The following ADARB2 variants were observed in gnomAD, a reference collection of about 807,000 sequenced individuals.
The protein encoded by ADARB2 is inactive double-stranded RNA-specific editase B2.
ADARB2 carries 25 observed loss-of-function variants against 62.2 expected under a neutral mutation model. The observed-to-expected ratio is 0.40, with a 90% CI of 0.29 to 0.56. The LOEUF is 0.56. ADARB2 is among the 20% of genes least tolerant of loss of function. The pLI is 0.43. For synonymous variants in ADARB2, 572 were observed against 500.8 expected, an observed-to-expected ratio of 1.14 and a Z score of -1.90; for missense variants, 1,071 against 1,077.4, an observed-to-expected ratio of 0.99 and a Z score of 0.08.
At chr10:1,204,754 G>T (rs184996023) in intron 7 of ADARB2, among the ~76,000 whole-genome samples, 2 of 152,360 alleles carry the variant, frequency 1.3e-5, no homozygotes, top group African/African-American at 2.4e-5. Context: ...CCCCTGCCTG[G>T]CCCTCAGGTG....
In ADARB2 at chr10:1,327,661, G is replaced by GCACTGCACAGCGCCTCCT. The variant is rs1436362539; in HGVS notation, c.1077+35349_1077+35366dup. ...CGCCTCCTCACTGCCCAGCGCCTCCGCACTGCACAGCGCCTCCTCACTGCA... is the reference window on the plus strand; with the variant it reads ...CGCCTCCTCACTGCCCAGCGCCTCCGCACTGCACAGCGCCTCCTCACTGCACAGCGCCTCCTCACTGCA... On this transcript the variant is annotated intron_variant, in intron 3 of 9. Transcript: ENST00000381312. Among the ~76,000 whole-genome samples the GCACTGCACAGCGCCTCCT allele has an allele frequency of 3.8e-4, 10 of 26,590 alleles. 2 individuals are homozygous for GCACTGCACAGCGCCTCCT. Among genetic ancestry groups the GCACTGCACAGCGCCTCCT allele is most frequent in the Non-Finnish European group, 2.2e-4 (3 of 13,938 alleles). The allele number at this position is 26,590 out of a possible 152,430, so 17.4% of individuals were successfully genotyped here. A position where few individuals can be genotyped will look rare whatever the true frequency, so the allele number is the denominator to read the frequency against.
chr10:1,731,525 C>A (rs943548892), intron 1 of ADARB2, among the ~76,000 whole-genome samples: 4 of 152,164 alleles, frequency 2.6e-5, no homozygotes, highest in Non-Finnish European at 5.9e-5. Context: ...TGTTTCTTCT[C>A]TTTTTGAATG....
At chr10:1,645,410 C>T (rs575747898) in intron 1 of ADARB2, among the ~76,000 whole-genome samples, 1 of 152,198 alleles carries the variant, frequency 6.6e-6, no homozygotes, top group Non-Finnish European at 1.5e-5. Flanking sequence ...ATGGAACTCC[C>T]ACTGCCCCTG....
At chr10:1,499,415 A>T (rs1831735605) in intron 1 of ADARB2, among the ~76,000 whole-genome samples, 1 of 151,292 alleles carries the variant, frequency 6.6e-6, no homozygotes, top group Admixed American at 6.6e-5. Flanking sequence ...TTCATCACTC[A>T]CTCAACACTC....
chr10:1,207,416 C>T (rs1405752994), intron 7 of ADARB2, among the ~76,000 whole-genome samples: 10 of 152,060 alleles, frequency 6.6e-5, no homozygotes, highest in Admixed American at 2.0e-4. Flanking sequence ...ACTTGGGGTT[C>T]GGTGTTTAAA....
intron 3 of ADARB2, among the ~76,000 whole-genome samples, chr10:1,282,059 C>T (rs1401424557): frequency 1.3e-5 from 2 of 152,220 alleles, no homozygotes; most frequent in African/African-American, 2.4e-5. Context: ...CACCTCCTGG[C>T]TGGGGTCCCC....
intron 1 of ADARB2, among the ~76,000 whole-genome samples, chr10:1,521,117 C>T (rs935472927): frequency 9.2e-5 from 14 of 152,138 alleles, no homozygotes; most frequent in African/African-American, 2.2e-4. Flanking sequence ...CAAGTACAGG[C>T]GGCCCGGAGT....
chr10:1,644,014 G>A (rs1588336036), intron 1 of ADARB2, among the ~76,000 whole-genome samples: 1 of 152,084 alleles, frequency 6.6e-6, no homozygotes, highest in East Asian at 1.9e-4. Context: ...GCTGTCTCCC[G>A]GCCCCACTCG....
intron 2 of ADARB2, among the ~76,000 whole-genome samples, chr10:1,369,408 C>T (rs765708040): frequency 1.3e-5 from 2 of 152,068 alleles, no homozygotes; most frequent in East Asian, 1.9e-4. Context: ...GGGGGACTAT[C>T]GGCCTCCCCT....
chr10:1,258,411 C>A (rs1420350364), intron 4 of ADARB2, among the ~76,000 whole-genome samples: 2 of 152,070 alleles, frequency 1.3e-5, no homozygotes, highest in Non-Finnish European at 2.9e-5. Flanking sequence ...ATTCAGGAAA[C>A]CCATCTCAGC....
chr10:1,339,580 A>G (rs531592236), intron 3 of ADARB2, among the ~76,000 whole-genome samples: 9 of 152,308 alleles, frequency 5.9e-5, no homozygotes, highest in South Asian at 2.1e-4. Context: ...ATAAATATCA[A>G]CCCATCCAGG....
chr10:1,551,554 A>G (rs1215393132), intron 1 of ADARB2, among the ~76,000 whole-genome samples: 3 of 152,144 alleles, frequency 2.0e-5, no homozygotes, highest in African/African-American at 7.2e-5. Context: ...CCTTCCTGCC[A>G]TCCCTCTATT....
intron 2 of ADARB2, among the ~76,000 whole-genome samples, chr10:1,365,971 C>T (rs1832310192): frequency 6.6e-6 from 1 of 152,202 alleles, no homozygotes; most frequent in Non-Finnish European, 1.5e-5. Flanking sequence ...GTAGATGAAT[C>T]TCAAGAAATA....
At chr10:1,390,853 G>C (rs569494873) in intron 1 of ADARB2, among the ~76,000 whole-genome samples, 1 of 152,332 alleles carries the variant, frequency 6.6e-6, no homozygotes, top group South Asian at 2.1e-4. Flanking sequence ...GCTGGGATCA[G>C]AACTGTGAGC....
chr10:1,395,309 A>C (rs35488873), intron 1 of ADARB2, among the ~76,000 whole-genome samples: 17,075 of 152,172 alleles, frequency 0.11, 1,027 homozygotes, highest in East Asian at 0.21. Flanking sequence ...CCCCATGGTG[A>C]GTGGGTGAGC....
Position 1,510,106 on chromosome 10 carries a change from T to TTCTCTCTC in ADARB2, c.101-130947_101-130946insGAGAGAGA, listed in dbSNP as rs879666484. On this transcript the variant is annotated intron_variant, in intron 1 of 9. Coordinates refer to ENST00000381312, the MANE Select transcript of ADARB2 (RefSeq NM_018702.4). ...TTCTCTCTCTCTCTCTTTTCTTTCT[T>TTCTCTCTC]TCTCTCTTTCTTTCTTTCTTTCTTT... 4.8e-5 allele frequency among the ~76,000 whole-genome samples: 6 copies of TTCTCTCTC among 125,734 alleles called. No homozygotes were observed. In the South Asian group the frequency reaches 8.3e-4, roughly 17 times the overall value. The allele number at this position is 125,734 out of a possible 152,430, so 82.5% of individuals were successfully genotyped here.
At chr10:1,312,363 G>T (rs1057263319) in intron 3 of ADARB2, among the ~76,000 whole-genome samples, 3 of 152,164 alleles carry the variant, frequency 2.0e-5, no homozygotes, top group African/African-American at 7.2e-5. Context: ...CCCCCGGCAG[G>T]CCCCAGGCTG....
At chr10:1,650,920 G>C (rs1052331339) in intron 1 of ADARB2, among the ~76,000 whole-genome samples, 1 of 152,180 alleles carries the variant, frequency 6.6e-6, no homozygotes, top group African/African-American at 2.4e-5. Context: ...CCCGGCTCAT[G>C]TGAGGGCTGG....
intron 3 of ADARB2, among the ~76,000 whole-genome samples, chr10:1,304,944 C>A (rs1831612046): frequency 8.7e-6 from 1 of 115,372 alleles, no homozygotes. Context: ...AAAATTGACA[C>A]CCTAACATCA....
Sources: gnomAD v4.1 joint callset for allele counts (sites outside exome capture counted in the v4.1 genomes callset) on GRCh38, gnomAD v4.1.1 for gene constraint, MANE v1.5 for transcripts, NCBI Gene and HGNC (gene_info 2026-07-23, HGNC 2026-07-21) for gene names.